The following FUT8 variants were observed in gnomAD, a reference collection of about 807,000 sequenced individuals.
FUT8 encodes fucosyltransferase 8.
In FUT8, 29 loss-of-function variants were observed where a neutral mutation model predicts 71.3. That is an observed-to-expected ratio of 0.41 (90% confidence interval 0.30 to 0.55). FUT8 has a LOEUF of 0.55. FUT8 is among the 20% of genes least tolerant of loss of function. The pLI is 0.34. For synonymous variants in FUT8, 254 were observed against 239.3 expected (o/e 1.06, Z -0.57); for missense variants, 544 against 702.1 (o/e 0.77, Z 2.55).
At chr14:65,391,364 G>A in the FUT8 span, among the ~76,000 whole-genome samples, 3 of 151,540 alleles carry the variant, frequency 2.0e-5, no homozygotes, top group Admixed American at 1.3e-4. Flanking sequence ...TAACTTTTTT[G>A]TTTTTTTTGA....
intron 1 of FUT8, among the ~76,000 whole-genome samples, chr14:65,440,124 G>C (rs942222741): frequency 3.3e-5 from 5 of 151,348 alleles, no homozygotes; most frequent in African/African-American, 4.9e-5. Context: ...AATACTGCGT[G>C]GTCTCACTTA....
At chr14:65,587,681 G>A (rs1470144541) in intron 3 of FUT8, among the ~76,000 whole-genome samples, 1 of 152,174 alleles carries the variant, frequency 6.6e-6, no homozygotes, top group African/African-American at 2.4e-5. Flanking sequence ...AGTCCACTTG[G>A]ACTATTAAAA....
intron 2 of FUT8, among the ~76,000 whole-genome samples, chr14:65,554,516 A>G (rs1413646457): frequency 1.3e-5 from 2 of 151,456 alleles, no homozygotes; most frequent in Non-Finnish European, 2.9e-5. Context: ...AAGGCAACAA[A>G]GATTGAGGTG....
chr14:65,387,545 G>A, the FUT8 span, among the ~76,000 whole-genome samples: 3 of 152,280 alleles, frequency 2.0e-5, no homozygotes, highest in African/African-American at 4.8e-5. Context: ...TCTACCCTAC[G>A]AATTCAAAAT....
chr14:65,450,663 T>C (rs1466756478), intron 1 of FUT8, among the ~76,000 whole-genome samples: 1 of 152,188 alleles, frequency 6.6e-6, no homozygotes, highest in Non-Finnish European at 1.5e-5. Flanking sequence ...AAAATGGGGT[T>C]TTTCTTACGT....
At chr14:65,576,885 A>C (rs1225191067) in intron 3 of FUT8, among the ~76,000 whole-genome samples, 3 of 151,580 alleles carry the variant, frequency 2.0e-5, no homozygotes, top group African/African-American at 7.3e-5. Context: ...ATGCCCAGCT[A>C]ATTTTTGTAC....
At chr14:65,491,935 T>G (rs887649056) in intron 2 of FUT8, among the ~76,000 whole-genome samples, 1 of 152,166 alleles carries the variant, frequency 6.6e-6, no homozygotes, top group Non-Finnish European at 1.5e-5. Flanking sequence ...TCTGGTGTCA[T>G]GTGTTGTGAT....
chr14:65,594,335 G>A (rs1429845037), intron 3 of FUT8, among the ~76,000 whole-genome samples: 2 of 152,170 alleles, frequency 1.3e-5, no homozygotes, highest in Non-Finnish European at 2.9e-5. Context: ...GTGAGTGCAG[G>A]GACTGCCAGC....
At chr14:65,535,912 C>G (rs189635116) in intron 2 of FUT8, among the ~76,000 whole-genome samples, 89 of 152,204 alleles carry the variant, frequency 5.8e-4, no homozygotes, top group African/African-American at 2.1e-3. Flanking sequence ...GTGTGGGAGT[C>G]TAAGTCTCTT....
chr14:65,551,823 TC>T (rs1453986827), intron 2 of FUT8, among the ~76,000 whole-genome samples: 1 of 152,236 alleles, frequency 6.6e-6, no homozygotes, highest in Non-Finnish European at 1.5e-5. Context: ...AACACAGTTA[TC>T]GTAATCATTG....
At chr14:65,632,650 C>T (rs1449914894) in intron 6 of FUT8, among the ~76,000 whole-genome samples, 4 of 151,998 alleles carry the variant, frequency 2.6e-5, no homozygotes, top group Admixed American at 6.5e-5. Context: ...CAAAGATTTT[C>T]TCCTGCTCTG....
rs114954672 is a variant in FUT8 at position 65,565,948 on chromosome 14, A to G, written c.203+4182A>G. ...AAAATTATATTTATTAGTAATATAA[A>G]ATATGGTATAATATAATAAAAAACA... On this transcript the variant is annotated intron_variant, in intron 3 of 10. Coordinates refer to ENST00000673929, the MANE Select transcript of FUT8 (RefSeq NM_001371533.1). Among the ~76,000 whole-genome samples, 948 of 151,756 alleles carry G rather than the reference A, an allele frequency of 6.2e-3. 10 individuals are homozygous for G. The highest frequency in any genetic ancestry group is 0.022 in the African/African-American group (916 of 41,500).
At chr14:65,509,647 T>C (rs1882203230) in intron 2 of FUT8, among the ~76,000 whole-genome samples, 1 of 152,108 alleles carries the variant, frequency 6.6e-6, no homozygotes, top group Non-Finnish European at 1.5e-5. Context: ...CTTTGGTTAA[T>C]TCCTAGGTAT....
chr14:65,738,905 T>A (rs995640873), intron 10 of FUT8, among the ~76,000 whole-genome samples: 1 of 152,090 alleles, frequency 6.6e-6, no homozygotes, highest in African/African-American at 2.4e-5. Flanking sequence ...GGAGCAATAT[T>A]CATTCAACAG....
chr14:65,363,679 T>A, the FUT8 span, among the ~76,000 whole-genome samples: 4 of 152,148 alleles, frequency 2.6e-5, no homozygotes, highest in African/African-American at 9.7e-5. Flanking sequence ...CAGAGAAGAA[T>A]CTGAACTCCC....
At chr14:65,679,655 A>C (rs1892942253) in intron 7 of FUT8, among the ~76,000 whole-genome samples, 1 of 152,174 alleles carries the variant, frequency 6.6e-6, no homozygotes, top group African/African-American at 2.4e-5. Context: ...ATCTTTATGC[A>C]TATCTCTTTG....
chr14:65,430,769 C>T lies in FUT8; in HGVS notation c.-326+17555C>T, dbSNP rs80113408. On this transcript the variant is annotated intron_variant, in intron 1 of 10. Transcript: ENST00000673929. ...AGCAAAGAATAGATGGGGTAATTTA[C>T]AATGGAAAAGTAGACGTACAGAACA... Among the ~76,000 whole-genome samples, 871 of 152,084 alleles carry T rather than the reference C, an allele frequency of 5.7e-3. 31 individuals carry two copies. In the East Asian group the frequency reaches 0.093, roughly 16 times the overall value.
chr14:65,622,820 T>C (rs914516871), intron 5 of FUT8, among the ~76,000 whole-genome samples: 2 of 152,030 alleles, frequency 1.3e-5, no homozygotes, highest in African/African-American at 4.8e-5. Context: ...TGAGAGTAAA[T>C]CTTAGTCACA....
intron 3 of FUT8, among the ~76,000 whole-genome samples, chr14:65,590,507 A>G (rs1278945971): frequency 6.6e-6 from 1 of 152,150 alleles, no homozygotes; most frequent in African/African-American, 2.4e-5. Context: ...CCTCTTGACC[A>G]AACTGGGGGG....
Sources: allele counts gnomAD v4.1 joint callset (sites outside exome capture counted in the v4.1 genomes callset), GRCh38; gene constraint gnomAD v4.1.1; transcripts MANE v1.5; gene names NCBI Gene and HGNC (gene_info 2026-07-23, HGNC 2026-07-21).